SOAT1: variants seen among roughly 807,000 people sequenced by gnomAD.
SOAT1 encodes the protein acyl-coenzyme A:cholesterol acyltransferase 1.
In SOAT1, 55 loss-of-function variants were observed where a neutral mutation model predicts 69.5. The observed-to-expected ratio is 0.79, with a 90% CI of 0.64 to 0.99. The LOEUF is 0.99. Among genes scored for constraint, SOAT1 ranks in the 50% least tolerant of loss-of-function variants. The pLI is 0.00. For synonymous variants in SOAT1, 231 were observed against 224.7 expected (o/e 1.03, Z -0.25); for missense variants, 580 against 669.3 (o/e 0.87, Z 1.47).
intron 2 of SOAT1, among the ~76,000 whole-genome samples, chr1:179,303,472 G>T (rs951807302): frequency 2.6e-5 from 4 of 152,300 alleles, no homozygotes; most frequent in Admixed American, 1.3e-4. Flanking sequence ...ATTTGTAAAG[G>T]TTTGATTTCA....
rs200408944 is a variant in SOAT1, at chr1:179,345,077, G to A, written c.1117+1G>A. The A allele has an allele frequency of 5.6e-6, 9 of 1,613,632 alleles. No individual in the cohort carries two copies. The highest frequency in any genetic ancestry group is 6.8e-6 in the Non-Finnish European group (8 of 1,179,690). On this transcript the variant is annotated splice_donor_variant, in intron 11 of 15. Transcript: ENST00000367619. LOFTEE classifies it high-confidence loss of function. ...TGTGTATTTAACTCCATCTTGCCAG[G>A]TAACATGGGTACTTGTTAATTTGGT...
rs1014132750 is a variant in SOAT1 at position 179,358,201 on chromosome 1, A to G, written c.*4560A>G. The stretch of plus-strand genomic sequence containing the variant: ...AAATGGGTTAATTTCACGAGTGCAT[A>G]TCACTTTTGACTATATTAGTCAAGC... On this transcript the variant is annotated 3_prime_UTR_variant, in exon 16 of 16. Coordinates refer to ENST00000367619, the MANE Select transcript of SOAT1 (RefSeq NM_003101.6). 3.3e-5 allele frequency: 5 copies of G among 152,240 alleles called. No individual in the cohort carries two copies. The South Asian group carries it at 1.0e-3, about 31-fold the overall frequency. The allele number at this position is 152,240 out of a possible 1,614,324, so 9.4% of individuals were successfully genotyped here.
chr1:179,334,681 T>TC (rs1263849315), intron 3 of SOAT1, among the ~76,000 whole-genome samples: 1 of 152,124 alleles, frequency 6.6e-6, no homozygotes, highest in Non-Finnish European at 1.5e-5. Context: ...GTCTGAGGTG[T>TC]CAGAGGTTGG....
intron 1 of SOAT1, among the ~76,000 whole-genome samples, chr1:179,297,202 T>G (rs1466967606): frequency 1.3e-5 from 2 of 152,248 alleles, no homozygotes; most frequent in Admixed American, 6.5e-5. Flanking sequence ...ACTAGTCTTA[T>G]GATCACTGTT....
chr1:179,310,203 T>G (rs1324327333), intron 2 of SOAT1, among the ~76,000 whole-genome samples: 2 of 114,832 alleles, frequency 1.7e-5, no homozygotes, highest in Non-Finnish European at 3.9e-5. Context: ...CCTGGCTGCT[T>G]ATAGATATTT....
rs532175113 is a variant in SOAT1 at position 179,302,872 on chromosome 1, T to C, written c.118+70T>C. 51 of 773,326 alleles carry C rather than the reference T, an allele frequency of 6.6e-5. No homozygotes were observed. In the East Asian group the frequency reaches 1.3e-3, roughly 20 times the overall value. The allele number at this position is 773,326 out of a possible 1,614,324, so 47.9% of individuals were successfully genotyped here. ...AACAAATACAGTGTTATAGAATAAG[T>C]ATTGCCATCTCTTTAATTCTTTATT... On this transcript the variant is annotated intron_variant, in intron 2 of 15. Transcript: ENST00000367619.
At chr1:179,324,991 C>G (rs1373602696) in intron 3 of SOAT1, among the ~76,000 whole-genome samples, 1 of 11,914 alleles carries the variant, frequency 8.4e-5, no homozygotes, top group African/African-American at 1.8e-4. Flanking sequence ...TTTTAGTAGA[C>G]ATGGGGTTTC....
At chr1:179,338,393 A>C (rs1666228691) in intron 5 of SOAT1, among the ~76,000 whole-genome samples, 3 of 152,204 alleles carry the variant, frequency 2.0e-5, no homozygotes, top group Admixed American at 2.0e-4. Flanking sequence ...CAGCAACTCC[A>C]GCCTGGGTGA....
At chr1:179,301,066 A>G (rs993858413) in intron 1 of SOAT1, among the ~76,000 whole-genome samples, 1 of 152,188 alleles carries the variant, frequency 6.6e-6, no homozygotes, top group Admixed American at 6.6e-5. Context: ...TTGCACTCCC[A>G]CCTGGGCAAA....
At chr1:179,298,296 G>A (rs575557041) in intron 1 of SOAT1, among the ~76,000 whole-genome samples, 24 of 151,932 alleles carry the variant, frequency 1.6e-4, no homozygotes, top group Non-Finnish European at 3.2e-4. Flanking sequence ...TGCTAGGCTA[G>A]CCAGGATGGT....
At chr1:179,335,073 T>G (rs1053972381) in intron 3 of SOAT1, among the ~76,000 whole-genome samples, 1 of 146,220 alleles carries the variant, frequency 6.8e-6, no homozygotes, top group Non-Finnish European at 1.5e-5. Flanking sequence ...ATGGTAATTA[T>G]AACGTGGGGA....
chr1:179,323,639 C>G (rs772985108), intron 3 of SOAT1, 144 bp downstream of exon 3: 2 of 696,932 alleles, frequency 2.9e-6, no homozygotes, highest in Non-Finnish European at 4.9e-6. Context: ...AAAATAAGAT[C>G]TGCTGACTTG....
chr1:179,315,699 T>C (rs1665367511), intron 2 of SOAT1, among the ~76,000 whole-genome samples: 1 of 152,212 alleles, frequency 6.6e-6, no homozygotes, highest in African/African-American at 2.4e-5. Context: ...AAATCTTTTT[T>C]CTAACTTTCC....
intron 5 of SOAT1, among the ~76,000 whole-genome samples, chr1:179,338,995 T>C (rs1666246804): frequency 2.6e-5 from 4 of 152,124 alleles, no homozygotes; most frequent in Admixed American, 2.6e-4. Context: ...TAAAAGAAAA[T>C]TAGACCAGTC....
intron 3 of SOAT1, among the ~76,000 whole-genome samples, chr1:179,331,322 A>G (rs1571435423): frequency 6.6e-6 from 1 of 152,194 alleles, no homozygotes; most frequent in African/African-American, 2.4e-5. Context: ...TTCTTTGTCT[A>G]TCAGGTACTA....
intron 2 of SOAT1, among the ~76,000 whole-genome samples, chr1:179,310,905 G>A (rs1665198096): frequency 6.6e-6 from 1 of 152,132 alleles, no homozygotes; most frequent in South Asian, 2.1e-4. Context: ...GTATTCCTTA[G>A]TCATCTTTAT....
Position 179,341,310 on chromosome 1 carries a change from G to C in SOAT1, c.780G>C (p.Gln260His). ...PASRFIIIFEQIRFVMKAHSF... is the reference protein window; with the variant it reads ...PASRFIIIFEHIRFVMKAHSF... Reference sequence around the variant, plus strand: ...CCCGGTTCATCATTATATTCGAGCAGGTAAGGTTTTAAGTGTTACCCAAGG... The same window carrying C: ...CCCGGTTCATCATTATATTCGAGCACGTAAGGTTTTAAGTGTTACCCAAGG... The change falls in exon 7 of 16, where the codon CAG (glutamine) becomes CAC (histidine). Residue 260 changes from glutamine (Q) to histidine (H), a missense_variant and splice_region_variant. Gln to His is a conservative substitution (Grantham distance 24). Coordinates refer to ENST00000367619, the MANE Select transcript of SOAT1 (RefSeq NM_003101.6). 1 of 1,613,590 alleles carries C rather than the reference G, an allele frequency of 6.2e-7. No homozygotes were observed.
At chr1:179,341,385 C>G (rs1304643814) in intron 7 of SOAT1, 75 bp downstream of exon 7, 11 of 1,370,264 alleles carry the variant, frequency 8.0e-6, no homozygotes, top group Non-Finnish European at 1.0e-5. Context: ...CATACTGATA[C>G]TATTATTTTT....
At chr1:179,301,808 C>T (rs138794319) in intron 1 of SOAT1, among the ~76,000 whole-genome samples, 74 of 152,260 alleles carry the variant, frequency 4.9e-4, no homozygotes, top group African/African-American at 1.7e-3. Context: ...CTGAACGGGG[C>T]TTATAAGGTC....
Sources: allele counts gnomAD v4.1 joint callset (sites outside exome capture counted in the v4.1 genomes callset), GRCh38; gene constraint gnomAD v4.1.1; transcripts MANE v1.5; gene names NCBI Gene and HGNC (gene_info 2026-07-23, HGNC 2026-07-21).